The following TSHZ2 variants were observed in gnomAD, a reference collection of about 807,000 sequenced individuals.
TSHZ2 encodes the protein teashirt zinc finger homeobox 2.
Under a neutral mutation model 74.4 loss-of-function variants are expected in TSHZ2, and 21 were observed. The observed-to-expected ratio is 0.28, with a 90% CI of 0.20 to 0.41. TSHZ2 has a LOEUF of 0.41. Ranked by LOEUF, TSHZ2 falls within the 10% of genes least tolerant of loss-of-function variation. The pLI is 1.00. For missense variants in TSHZ2, 1,244 were observed against 1,293.5 expected, an observed-to-expected ratio of 0.96 and a Z score of 0.59; for synonymous variants, 540 against 515.3, an observed-to-expected ratio of 1.05 and a Z score of -0.65.
At chr20:53,457,458 G>A (rs1432467641) in intron 2 of TSHZ2, among the ~76,000 whole-genome samples, 1 of 121,490 alleles carries the variant, frequency 8.2e-6, no homozygotes, top group Non-Finnish European at 1.7e-5. Context: ...GAGATTTTGG[G>A]CTGAGACAAT....
intron 1 of TSHZ2, among the ~76,000 whole-genome samples, chr20:53,090,067 C>A (rs770603591): frequency 1.3e-5 from 2 of 152,236 alleles, no homozygotes; most frequent in Non-Finnish European, 2.9e-5. Context: ...GAGCCCCTGG[C>A]AAACAAGTGT....
chr20:53,081,712 T>A (rs1423410984), intron 1 of TSHZ2, among the ~76,000 whole-genome samples: 1 of 152,168 alleles, frequency 6.6e-6, no homozygotes, highest in South Asian at 2.1e-4. Context: ...GGTGCTACTG[T>A]TTGTATTAGG....
chr20:53,478,393 T>G (rs531197760), intron 2 of TSHZ2, among the ~76,000 whole-genome samples: 257 of 151,912 alleles, frequency 1.7e-3, no homozygotes, highest in Non-Finnish European at 2.9e-3. Flanking sequence ...GTCATCATTC[T>G]CAGTAAACTA....
intron 1 of TSHZ2, chr20:53,196,416 C>T (rs984078038): frequency 2.1e-5 from 3 of 144,464 alleles, no homozygotes; most frequent in Admixed American, 7.0e-5. Context: ...AATTAGAATA[C>T]GCCACCTAGT....
Position 53,053,905 on chromosome 20 carries a change from CCTGT to C in TSHZ2, c.40+80575_40+80578del, listed in dbSNP as rs1302353242. On this transcript the variant is annotated intron_variant, in intron 1 of 2. Coordinates refer to ENST00000371497, the MANE Select transcript of TSHZ2 (RefSeq NM_173485.6). Reference sequence around the variant, plus strand: ...CATTGCCATGAGAGGAAGGGGCTACCCTGTCTAATTAGTGACTGCGCCCTAACTG... The same window carrying C: ...CATTGCCATGAGAGGAAGGGGCTACCCTAATTAGTGACTGCGCCCTAACTG... Among the ~76,000 whole-genome samples the C allele has an allele frequency of 2.6e-5, 4 of 152,240 alleles. No homozygotes were observed. The South Asian group carries it at 6.2e-4, about 24-fold the overall frequency.
At chr20:53,425,679 T>C (rs1983630548) in intron 2 of TSHZ2, among the ~76,000 whole-genome samples, 1 of 152,232 alleles carries the variant, frequency 6.6e-6, no homozygotes, top group Non-Finnish European at 1.5e-5. Context: ...AGCTCTGCCA[T>C]TATAGCATGA....
intron 1 of TSHZ2, among the ~76,000 whole-genome samples, chr20:53,051,251 C>T (rs919107907): frequency 1.3e-5 from 2 of 152,030 alleles, no homozygotes; most frequent in Admixed American, 6.6e-5. Context: ...AGGCAGAAGA[C>T]CTGCTTGAAC....
intron 2 of TSHZ2, among the ~76,000 whole-genome samples, chr20:53,371,717 A>G (rs891541422): frequency 6.6e-6 from 1 of 151,940 alleles, no homozygotes; most frequent in Non-Finnish European, 1.5e-5. Flanking sequence ...CTCTACTAAA[A>G]ATATAAAAGT....
intron 1 of TSHZ2, among the ~76,000 whole-genome samples, chr20:53,234,387 C>CT (rs1221010447): frequency 4.6e-5 from 7 of 152,138 alleles, no homozygotes; most frequent in African/African-American, 1.7e-4. Context: ...CAGGTGCCTC[C>CT]ATACAGCATC....
In TSHZ2 at chr20:53,255,356, C is replaced by T. The variant is rs1486871619; in HGVS notation, c.1898C>T (p.Ser633Phe). The change falls in exon 2 of 3, where the codon TCT becomes TTT. Residue 633 changes from serine (S) to phenylalanine (F), a missense_variant. Physicochemically the swap from Ser to Phe is radical, Grantham distance 155 (BLOSUM62 -2). Around this residue, in one of 6 missense-constraint regions of TSHZ2, gnomAD observed 562 missense variants for 544.0 expected, o/e 1.03. Transcript: ENST00000371497. The surrounding 1 kb of genome is among the most constrained non-coding windows in gnomAD (Gnocchi z 4.1). ...ASSFSHSEGDSFRKSETPPEA... is the reference protein window; with the variant it reads ...ASSFSHSEGDFFRKSETPPEA... ...TCTTTCAGCCACAGTGAGGGCGATT[C>T]TTTCCGCAAAAGTGAAACACCTCCA... 2 of 1,613,992 alleles carry T rather than the reference C, an allele frequency of 1.2e-6. No homozygotes were observed. Among genetic ancestry groups the T allele is most frequent in the African/African-American group, 2.7e-5 (2 of 74,922 alleles).
At chr20:53,212,638 T>G (rs1218630750) in intron 1 of TSHZ2, among the ~76,000 whole-genome samples, 1 of 152,140 alleles carries the variant, frequency 6.6e-6, no homozygotes, top group Non-Finnish European at 1.5e-5. Flanking sequence ...CTTCATTGGG[T>G]CTTCTAACTG....
chr20:53,035,708 A>G (rs1186964523), intron 1 of TSHZ2, among the ~76,000 whole-genome samples: 1 of 152,214 alleles, frequency 6.6e-6, no homozygotes, highest in East Asian at 1.9e-4. Flanking sequence ...GGGAGCTTTC[A>G]GTTTAATGGG....
chr20:53,173,593 G>T (rs1022975954), intron 1 of TSHZ2, among the ~76,000 whole-genome samples: 3 of 152,086 alleles, frequency 2.0e-5, no homozygotes, highest in South Asian at 2.1e-4. Context: ...GGGCAACAGG[G>T]TGAGACTCCA....
intron 1 of TSHZ2, among the ~76,000 whole-genome samples, chr20:53,104,777 G>A (rs930175053): frequency 3.9e-5 from 6 of 152,282 alleles, no homozygotes; most frequent in Admixed American, 3.9e-4. Context: ...AAGATGAACC[G>A]ATCCTTCTGT....
At chr20:53,051,494 C>CACACA (rs1234256850) in intron 1 of TSHZ2, among the ~76,000 whole-genome samples, 7 of 147,798 alleles carry the variant, frequency 4.7e-5, no homozygotes, top group Non-Finnish European at 1.0e-4. Context: ...CACACACACA[C>CACACA]AATTCAGGTG....
At chr20:53,452,301 C>A (rs1984818753) in intron 2 of TSHZ2, among the ~76,000 whole-genome samples, 1 of 152,100 alleles carries the variant, frequency 6.6e-6, no homozygotes, top group African/African-American at 2.4e-5. Flanking sequence ...CTCTTATTAC[C>A]TACAAGAACT....
intron 2 of TSHZ2, among the ~76,000 whole-genome samples, chr20:53,386,881 C>CTTT (rs11394393): frequency 1.3e-5 from 2 of 148,760 alleles, no homozygotes; most frequent in Non-Finnish European, 3.0e-5. Context: ...CTCACCTAGC[C>CTTT]TTTTTTTTTT....
intron 1 of TSHZ2, among the ~76,000 whole-genome samples, chr20:53,101,985 CT>C (rs956622966): frequency 6.7e-6 from 1 of 148,578 alleles, no homozygotes; most frequent in African/African-American, 2.4e-5. Context: ...CCTATGAGGA[CT>C]TTTTTTTAAT....
intron 2 of TSHZ2, among the ~76,000 whole-genome samples, chr20:53,445,032 C>T (rs976320004): frequency 1.8e-4 from 27 of 152,252 alleles, no homozygotes; most frequent in African/African-American, 5.8e-4. Context: ...GAATAAAACA[C>T]ATGCCAGGGC....
Sources: allele counts gnomAD v4.1 joint callset (sites outside exome capture counted in the v4.1 genomes callset), GRCh38; gene constraint gnomAD v4.1.1; regional missense constraint gnomAD v4.1.1; non-coding constraint Gnocchi (gnomAD v3.1); transcripts MANE v1.5; gene names NCBI Gene and HGNC (gene_info 2026-07-23, HGNC 2026-07-21).